NKPD1: variants seen among roughly 807,000 people sequenced by gnomAD.
The protein encoded by NKPD1 is NTPase KAP family P-loop domain-containing protein 1.
Under a neutral mutation model 42.2 loss-of-function variants are expected in NKPD1, and 37 were observed. The ratio of observed to expected loss-of-function variants is 0.88; its 90% CI spans 0.67 to 1.15. The LOEUF is 1.15. NKPD1 is among the 50% of genes most tolerant of loss of function. The probability of loss-of-function intolerance (pLI) is 0.00; values close to 1 mark genes in which losing one functional copy is unlikely to be tolerated. For synonymous variants in NKPD1, 552 were observed against 536.5 expected, an observed-to-expected ratio of 1.03 and a Z score of -0.40; for missense variants, 1,113 against 1,174.6, an observed-to-expected ratio of 0.95 and a Z score of 0.77.
In NKPD1 at chr19:45,152,749, G is replaced by A. The variant is rs533565942; in HGVS notation, c.1688C>T (p.Pro563Leu). Residue 563 changes from proline to leucine, a missense_variant, in exon 5 of 5, where the codon CCG becomes CTG. By Grantham distance (98) the Pro-to-Leu change is moderately conservative. Coordinates refer to ENST00000686631, the MANE Select transcript of NKPD1 (RefSeq NM_198478.4). ...CGCGCTCTCGCCCCCGGCGTCCCCCGGCAGCCACGGCTTGCGCGTCATCTC... is the reference window on the plus strand; with the variant it reads ...CGCGCTCTCGCCCCCGGCGTCCCCCAGCAGCCACGGCTTGCGCGTCATCTC... ...YREMTRKPWL[P>L]GDAGGESAQL... is the part of the protein sequence containing the mutation. 2 of 1,593,164 alleles carry A rather than the reference G, an allele frequency of 1.3e-6. No individual in the cohort carries two copies. The highest frequency in any genetic ancestry group is 4.6e-5 in the East Asian group (2 of 43,418).
At position 45,152,567 on chromosome 19, in the gene NKPD1, G is replaced by A; in HGVS notation, c.1870C>T (p.Arg624Cys). Residue 624 changes from arginine (R) to cysteine (C), a missense_variant, in exon 5 of 5, where the codon CGC (arginine) becomes TGC (cysteine). Transcript: ENST00000686631. The stretch of plus-strand genomic sequence containing the variant: ...GTGATGGGCACGGTGTTGACGATGC[G>A]CCGCATGGACACCACGTTGTCGGGC... Reference protein sequence around the residue: ...YVPDNVVSMRRIVNTVPITVR... With the variant: ...YVPDNVVSMRCIVNTVPITVR... The A allele has an allele frequency of 6.3e-7, 1 of 1,586,242 alleles. No homozygotes were observed.
chr19:45,153,048 C>A lies in NKPD1; in HGVS notation c.1389G>T (p.Thr463=). ...CGCCCACCACGCGCTCCGGGTAGCA[C>A]GTGTCCAGCCCGGTGACCTCCAGCA... The part of the protein sequence containing the change: ...RVVLEVTGLD[T]CYPERVVGVL... The change falls in exon 5 of 5, where the codon ACG becomes ACT. Residue 463 remains threonine (T), a synonymous_variant. Coordinates refer to ENST00000686631, the MANE Select transcript of NKPD1 (RefSeq NM_198478.4). 1.3e-6 allele frequency: 2 copies of A among 1,585,468 alleles called. No individual in the cohort carries two copies. The highest frequency in any genetic ancestry group is 8.6e-7 in the Non-Finnish European group (1 of 1,166,274).
chr19:45,156,024 G>A (rs1007872614), intron 3 of NKPD1, 108 bp from the exon 4 acceptor site: 1 of 1,081,886 alleles, frequency 9.2e-7, no homozygotes, highest in Non-Finnish European at 1.2e-6. Context: ...GGCACCCTGT[G>A]CAAAGGGGAC....
rs1968797872 is a variant in NKPD1, at chr19:45,152,282, C to CG, written c.2154dup (p.Glu719ArgfsTer136). 1 of 1,610,066 alleles carries CG rather than the reference C, an allele frequency of 6.2e-7. No individual in the cohort carries two copies. The highest frequency in any genetic ancestry group is 1.3e-5 in the African/African-American group (1 of 74,870). On this transcript the variant is annotated frameshift_variant, in exon 5 of 5. Coordinates refer to ENST00000686631, the MANE Select transcript of NKPD1 (RefSeq NM_198478.4). LOFTEE classifies it low-confidence loss of function (END_TRUNC). The stretch of plus-strand genomic sequence containing the variant: ...GCGCCCAGGAAGCGCTCGAAGAGCT[C>CG]GGGGTCGCCGTCCAGGTCGAGCACG...
chr19:45,152,575 G>A lies in NKPD1; in HGVS notation c.1862C>T (p.Ser621Phe). The A allele has an allele frequency of 6.3e-7, 1 of 1,586,236 alleles. No individual in the cohort carries two copies. The highest frequency in any genetic ancestry group is 2.3e-5 in the East Asian group (1 of 43,276). ...LYEYVPDNVV[S>F]MRRIVNTVPI... ...CACGGTGTTGACGATGCGCCGCATG[G>A]ACACCACGTTGTCGGGCACGTACTC... is the stretch of plus-strand genomic sequence containing the variant. Residue 621 changes from serine (S) to phenylalanine (F), a missense_variant, in exon 5 of 5, where the codon TCC becomes TTC. By Grantham distance (155) the Ser-to-Phe change is radical. Transcript: ENST00000686631.
chr19:45,156,064 G>A (rs969206505), intron 3 of NKPD1, 148 bp from the exon 4 acceptor site: 1 of 634,602 alleles, frequency 1.6e-6, no homozygotes, highest in South Asian at 1.9e-5. Context: ...GGAGGTTTCT[G>A]TGGCCATCAG....
chr19:45,155,735 A>C lies in NKPD1; in HGVS notation c.661+50T>G, dbSNP rs565868310. 6.4e-5 allele frequency: 82 copies of C among 1,273,306 alleles called. 1 individual carries two copies. Among genetic ancestry groups the C allele is most frequent in the Middle Eastern group, 2.2e-4 (1 of 4,558 alleles). The allele number at this position is 1,273,306 out of a possible 1,614,324, so 78.9% of individuals were successfully genotyped here. ...GGAAGCCTGGAGCTGGGCGGGGACCAGAGGCCCTGTTTCTCATCCTCCCCC... is the reference window on the plus strand; with the variant it reads ...GGAAGCCTGGAGCTGGGCGGGGACCCGAGGCCCTGTTTCTCATCCTCCCCC... On this transcript the variant is annotated intron_variant, in intron 4 of 4. Coordinates refer to ENST00000686631, the MANE Select transcript of NKPD1 (RefSeq NM_198478.4).
At chr19:45,161,964 A>C (rs1172761025), upstream of NKPD1, among the ~76,000 whole-genome samples, 1 of 136,610 alleles carries the variant, frequency 7.3e-6, no homozygotes, top group Non-Finnish European at 1.6e-5. Flanking sequence ...GGCCAGAGCC[A>C]GGGCCCTTCC....
intron 3 of NKPD1, 32 bp from the exon 4 acceptor site, chr19:45,155,948 G>A: frequency 1.5e-6 from 2 of 1,296,522 alleles, no homozygotes; most frequent in Non-Finnish European, 2.0e-6. Flanking sequence ...ACTGAGTCAG[G>A]ACCACTGGCC....
In NKPD1 at chr19:45,153,383, CCAGCGCCGCCAG is replaced by C; in HGVS notation, c.1042_1053del (p.Leu348_Leu351del). The C allele has an allele frequency of 6.4e-7, 1 of 1,559,992 alleles. No homozygotes were observed. Among genetic ancestry groups the C allele is most frequent in the South Asian group, 1.2e-5 (1 of 85,948 alleles). On this transcript the variant is annotated inframe_deletion, in exon 5 of 5. Transcript: ENST00000686631. ...AAGTAGAGCAGCCCCACACCCAGGCCCAGCGCCGCCAGCAGCGCCAGCAGCCCCAGGCACACG... is the reference window on the plus strand; with the variant it reads ...AAGTAGAGCAGCCCCACACCCAGGCCCAGCGCCAGCAGCCCCAGGCACACG...
chr19:45,159,482 G>A (rs888260468), intron 2 of NKPD1, among the ~76,000 whole-genome samples: 2 of 152,152 alleles, frequency 1.3e-5, no homozygotes, highest in Admixed American at 6.5e-5. Flanking sequence ...CTGGCCCAGG[G>A]AGGCCGGAGT....
In NKPD1 at chr19:45,152,114, C is replaced by T. The variant is rs1047604047; in HGVS notation, c.2323G>A (p.Asp775Asn). The T allele has an allele frequency of 5.6e-6, 9 of 1,604,504 alleles. No homozygotes were observed. The highest frequency in any genetic ancestry group is 8.5e-7 in the Non-Finnish European group (1 of 1,176,640). Residue 775 changes from aspartate (D) to asparagine (N), a missense_variant, in exon 5 of 5, where the codon GAT (aspartate) becomes AAT (asparagine). Asp to Asn is a conservative substitution (Grantham distance 23, BLOSUM62 1). This residue lies in a region of NKPD1 where 867 missense variants were observed against 870.1 expected (regional missense o/e 1.00). Coordinates refer to ENST00000686631, the MANE Select transcript of NKPD1 (RefSeq NM_198478.4). ...GCCCGGTGGGCAGCGTGGGGGGTAT[C>T]GCGGGTAGGGGACTTGGGCGGGCTG... The part of the protein sequence containing the change: ...PPSPPKSPTR[D>N]TPHAAHRANS...
At chr19:45,154,447 A>G (rs1276523040) in intron 4 of NKPD1, among the ~76,000 whole-genome samples, 1 of 152,194 alleles carries the variant, frequency 6.6e-6, no homozygotes, top group Non-Finnish European at 1.5e-5. Context: ...CCTGAACAAT[A>G]GATCATGAGA....
At position 45,150,723 on chromosome 19, in the gene NKPD1, T is replaced by C. The variant is rs1599717500; in HGVS notation, c.*1215A>G. ...ACCTGCATGCACCTGTGACAATTGC[T>C]GTGGCCAGAGAACTCCGGTGCTGCA... is the stretch of plus-strand genomic sequence containing the variant. On this transcript the variant is annotated 3_prime_UTR_variant, in exon 5 of 5. Coordinates refer to ENST00000686631, the MANE Select transcript of NKPD1 (RefSeq NM_198478.4). The C allele has an allele frequency of 6.6e-6, 1 of 152,292 alleles. No individual in the cohort carries two copies. The highest frequency in any genetic ancestry group is 1.5e-5 in the Non-Finnish European group (1 of 68,074). 9.4% of individuals were successfully genotyped at this position (152,292 alleles called of 1,614,324 possible).
Position 45,150,159 on chromosome 19 carries a change from T to C in NKPD1, c.*1779A>G, listed in dbSNP as rs1239305177. 1 of 152,054 alleles carries C rather than the reference T, an allele frequency of 6.6e-6. No homozygotes were observed. Among genetic ancestry groups the C allele is most frequent in the Non-Finnish European group, 1.5e-5 (1 of 68,066 alleles). 9.4% of individuals were successfully genotyped at this position (152,054 alleles called of 1,614,324 possible). A position where few individuals can be genotyped will look rare whatever the true frequency, so the allele number is the denominator to read the frequency against. ...CCCAGGCTGGAGTGCAGTGGCACCA[T>C]CTTGGCTCCAGCCACCACCTCCCGG... On this transcript the variant is annotated 3_prime_UTR_variant, in exon 5 of 5. Coordinates refer to ENST00000686631, the MANE Select transcript of NKPD1 (RefSeq NM_198478.4).
At position 45,152,137 on chromosome 19, in the gene NKPD1, C is replaced by T; in HGVS notation, c.2300G>A (p.Ser767Asn). Residue 767 changes from serine to asparagine, a missense_variant, in exon 5 of 5, where the codon AGC becomes AAC. Ser to Asn is a conservative substitution (Grantham distance 46). Transcript: ENST00000686631. Reference protein sequence around the residue: ...IRAVSALKPPSPPKSPTRDTP... With the variant: ...IRAVSALKPPNPPKSPTRDTP... ...ATCGCGGGTAGGGGACTTGGGCGGGCTGGGCGGCTTGAGCGCGCTGACGGC... is the reference window on the plus strand; with the variant it reads ...ATCGCGGGTAGGGGACTTGGGCGGGTTGGGCGGCTTGAGCGCGCTGACGGC... The T allele has an allele frequency of 6.2e-7, 1 of 1,601,408 alleles. No individual in the cohort carries two copies. Among genetic ancestry groups the T allele is most frequent in the Non-Finnish European group, 8.5e-7 (1 of 1,174,970 alleles).
chr19:45,152,459 C>T lies in NKPD1; in HGVS notation c.1978G>A (p.Ala660Thr), dbSNP rs1192566102. 6.4e-7 allele frequency: 1 copy of T among 1,554,864 alleles called. No homozygotes were observed. The highest frequency in any genetic ancestry group is 1.7e-4 in the Middle Eastern group (1 of 5,962). The change falls in exon 5 of 5, where the codon GCC becomes ACC. Residue 660 changes from alanine (A) to threonine (T), a missense_variant. Ala to Thr is a moderately conservative substitution (Grantham distance 58). Coordinates refer to ENST00000686631, the MANE Select transcript of NKPD1 (RefSeq NM_198478.4). ...CTCAGGCGGCACGGCCACTGGTTGG[C>T]GAGCACCACCCACGCCACCGCCTGG... ...PRQAVAWVVL[A>T]NQWPCRLSWA...
intron 3 of NKPD1, among the ~76,000 whole-genome samples, chr19:45,156,783 G>A (rs1222747400): frequency 6.6e-6 from 1 of 152,206 alleles, no homozygotes; most frequent in Non-Finnish European, 1.5e-5. Flanking sequence ...CAGCTTTGTG[G>A]TGCACAGTGG....
rs1968786927 is a variant in NKPD1, at chr19:45,152,016, G to A, written c.2421C>T (p.Asp807=). ...GCCATAGCTTGCCCCTGTGGGCCAA[G>A]TCCCCAGTGTGGTGGCCTTCGCCGG... ...GQAGEGHHTG[D]LAHRGKLWPV... Residue 807 remains aspartate, a synonymous_variant, in exon 5 of 5, where the codon GAC becomes GAT. Coordinates refer to ENST00000686631, the MANE Select transcript of NKPD1 (RefSeq NM_198478.4). 2 of 1,610,230 alleles carry A rather than the reference G, an allele frequency of 1.2e-6. No homozygotes were observed. The highest frequency in any genetic ancestry group is 1.7e-6 in the Non-Finnish European group (2 of 1,178,676).
Sources: gnomAD v4.1 joint callset for allele counts (sites outside exome capture counted in the v4.1 genomes callset) on GRCh38, gnomAD v4.1.1 for gene constraint, gnomAD v4.1.1 regional missense constraint, MANE v1.5 for transcripts, NCBI Gene and HGNC (gene_info 2026-07-23, HGNC 2026-07-21) for gene names.